The following ABLIM1 variants were observed in gnomAD, a reference collection of about 807,000 sequenced individuals.
The protein encoded by ABLIM1 is actin-binding LIM protein 1.
A neutral mutation model predicts 107.0 loss-of-function variants in ABLIM1; 40 were observed. The observed-to-expected ratio is 0.37, with a 90% CI of 0.29 to 0.49. The LOEUF (loss-of-function observed/expected upper bound fraction) is 0.49, where lower values mean the gene tolerates loss of function less well. Ranked by LOEUF, ABLIM1 falls within the 20% of genes least tolerant of loss-of-function variation. ABLIM1 has a pLI of 0.97. For missense variants in ABLIM1, 857 were observed against 1,008.5 expected (o/e 0.85, Z 2.04); for synonymous variants, 357 against 357.3 (o/e 1.00, Z 0.01).
intron 1 of ABLIM1, among the ~76,000 whole-genome samples, chr10:114,692,788 G>A (rs112580026): frequency 0.025 from 3,737 of 152,256 alleles, 142 homozygotes; most frequent in African/African-American, 0.085. Flanking sequence ...TATTCAGGAG[G>A]CTGAGGCAGG....
intron 6 of ABLIM1, among the ~76,000 whole-genome samples, chr10:114,503,357 G>A (rs569708126): frequency 3.9e-5 from 6 of 152,182 alleles, no homozygotes; most frequent in African/African-American, 1.4e-4. Context: ...AGGCTGAAGT[G>A]AGAGGATTGC....
exon 1 of ABLIM1, chr10:114,684,454 C>T: frequency 2.6e-6 from 4 of 1,541,794 alleles, no homozygotes; most frequent in Non-Finnish European, 3.5e-6. Context: ...GGCTCTCCTC[C>T]CAGGAGTCTG....
At chr10:114,756,273 CTCTG>C (rs1394815985) in intron 1 of ABLIM1, among the ~76,000 whole-genome samples, 4 of 152,236 alleles carry the variant, frequency 2.6e-5, no homozygotes, top group East Asian at 1.9e-4. Context: ...CTAGACATTA[CTCTG>C]TCTAATTTTT....
At chr10:114,579,057 T>A (rs1264685791) in intron 2 of ABLIM1, among the ~76,000 whole-genome samples, 1 of 152,110 alleles carries the variant, frequency 6.6e-6, no homozygotes, top group Non-Finnish European at 1.5e-5. Flanking sequence ...AAAGTACTGT[T>A]ATTACAGACG....
intron 1 of ABLIM1, among the ~76,000 whole-genome samples, chr10:114,681,368 T>C (rs1355293209): frequency 6.6e-6 from 1 of 152,088 alleles, no homozygotes; most frequent in Non-Finnish European, 1.5e-5. Flanking sequence ...GCTAATTTTG[T>C]ATTTTTAGTA....
intron 1 of ABLIM1, among the ~76,000 whole-genome samples, chr10:114,757,024 T>A (rs1018754247): frequency 1.3e-5 from 2 of 152,244 alleles, no homozygotes; most frequent in African/African-American, 4.8e-5. Context: ...TGCATCTTCA[T>A]ATTTCAATAG....
Position 114,695,982 on chromosome 10 carries a change from A to C in ABLIM1, c.-213+72079T>G, listed in dbSNP as rs527577489. 7.7e-4 allele frequency among the ~76,000 whole-genome samples: 118 copies of C among 152,334 alleles called. 3 individuals are homozygous for C. In the South Asian group the frequency reaches 0.022, roughly 28 times the overall value. On this transcript the variant is annotated intron_variant, in intron 1 of 15. Transcript: ENST00000651092. ...GCATCCTACATGACATTACTTCTGCATGCCTGTGAAATTCTCCTAACTACA... is the reference window on the plus strand; with the variant it reads ...GCATCCTACATGACATTACTTCTGCCTGCCTGTGAAATTCTCCTAACTACA...
the ABLIM1 span, among the ~76,000 whole-genome samples, chr10:114,788,370 C>G: frequency 6.7e-6 from 1 of 149,300 alleles, no homozygotes; most frequent in Non-Finnish European, 1.5e-5. Flanking sequence ...ATAAATAACT[C>G]AACCCAAGTT....
intron 1 of ABLIM1, among the ~76,000 whole-genome samples, chr10:114,705,871 A>G (rs1221077044): frequency 6.6e-6 from 1 of 152,226 alleles, no homozygotes. Context: ...GCAAGGACAG[A>G]GTAGCGAAGT....
intron 12 of ABLIM1, among the ~76,000 whole-genome samples, chr10:114,459,697 C>T (rs542458204): frequency 7.9e-5 from 12 of 152,314 alleles, no homozygotes; most frequent in African/African-American, 2.4e-4. Flanking sequence ...ATGTACATTA[C>T]ACTTTGCATC....
intron 1 of ABLIM1, among the ~76,000 whole-genome samples, chr10:114,746,910 G>A (rs1326446818): frequency 1.3e-5 from 2 of 151,968 alleles, no homozygotes; most frequent in Non-Finnish European, 2.9e-5. Flanking sequence ...TTTCTTTTCT[G>A]CTTATAGAGT....
rs530103201 is a variant in ABLIM1, at chr10:114,488,440, T to C, written c.983-424A>G. Among the ~76,000 whole-genome samples, 5 of 152,366 alleles carry C rather than the reference T, an allele frequency of 3.3e-5. No homozygotes were observed. The East Asian group carries it at 7.7e-4, about 24-fold the overall frequency. ...AACCAAGCAGTTTAGTTGACGGGAATAAAGTCAACCAGATAGTCTATGTCC... is the reference window on the plus strand; with the variant it reads ...AACCAAGCAGTTTAGTTGACGGGAACAAAGTCAACCAGATAGTCTATGTCC... On this transcript the variant is annotated intron_variant, in intron 7 of 22. Coordinates refer to ENST00000533213, the MANE Select transcript of ABLIM1 (RefSeq NM_002313.7).
At chr10:114,768,857 CTA>C (rs1482003701), upstream of ABLIM1, among the ~76,000 whole-genome samples, 4 of 152,188 alleles carry the variant, frequency 2.6e-5, no homozygotes, top group South Asian at 4.1e-4. Context: ...TCCCCTTTTT[CTA>C]TATGTCAGGA....
At chr10:114,719,351 G>A (rs1037172703) in intron 1 of ABLIM1, among the ~76,000 whole-genome samples, 1 of 152,184 alleles carries the variant, frequency 6.6e-6, no homozygotes, top group South Asian at 2.1e-4. Flanking sequence ...CTGAGAAGGA[G>A]GATCTCTATT....
intron 5 of ABLIM1, 111 bp from the exon 6 acceptor site, chr10:114,545,209 C>A: frequency 1.0e-6 from 1 of 966,488 alleles, no homozygotes; most frequent in Non-Finnish European, 1.7e-6. Flanking sequence ...CATATTTCTC[C>A]CCTGCCCAGT....
At chr10:114,540,459 G>A (rs883511) in intron 6 of ABLIM1, among the ~76,000 whole-genome samples, 117,919 of 152,074 alleles carry the variant, frequency 0.78, 46,309 homozygotes, top group African/African-American at 0.91. Context: ...GCTCGGGCCC[G>A]TCTCCCCACC....
At chr10:114,766,427 G>C (rs1345128343) in intron 1 of ABLIM1, among the ~76,000 whole-genome samples, 1 of 152,138 alleles carries the variant, frequency 6.6e-6, no homozygotes, top group African/African-American at 2.4e-5. Context: ...AGAAATGTTT[G>C]AGAACTCAGT....
chr10:114,522,700 T>C (rs1217855280), intron 6 of ABLIM1, among the ~76,000 whole-genome samples: 1 of 152,202 alleles, frequency 6.6e-6, no homozygotes, highest in East Asian at 1.9e-4. Flanking sequence ...CAAACACGTA[T>C]TTGCTAAAAA....
At chr10:114,518,028 T>C (rs893460472) in intron 6 of ABLIM1, among the ~76,000 whole-genome samples, 1 of 152,146 alleles carries the variant, frequency 6.6e-6, no homozygotes, top group Non-Finnish European at 1.5e-5. Context: ...TTTACCACTA[T>C]GTGGTCATTA....
Sources: allele counts gnomAD v4.1 joint callset (sites outside exome capture counted in the v4.1 genomes callset), GRCh38; gene constraint gnomAD v4.1.1; transcripts MANE v1.5; gene names NCBI Gene and HGNC (gene_info 2026-07-23, HGNC 2026-07-21).